TRPM2: variants seen among roughly 807,000 people sequenced by gnomAD.
The protein encoded by TRPM2 is transient receptor potential cation channel subfamily M member 2, also known as estrogen-responsive element-associated gene 1 protein.
Under a neutral mutation model 174.0 loss-of-function variants are expected in TRPM2, and 161 were observed. That is an observed-to-expected ratio of 0.93 (90% CI 0.81 to 1.05). The LOEUF is 1.05. TRPM2 is among the 50% of genes least tolerant of loss of function. The pLI, the probability that TRPM2 is intolerant of heterozygous loss-of-function variation, is 0.00. For missense variants in TRPM2, 2,057 were observed against 2,038.0 expected, an observed-to-expected ratio of 1.01 and a Z score of -0.18; for synonymous variants, 954 against 861.3, an observed-to-expected ratio of 1.11 and a Z score of -1.88.
intron 5 of TRPM2, 84 bp from the exon 6 acceptor site, chr21:44,375,749 C>G (rs2048678057): frequency 6.8e-7 from 1 of 1,463,888 alleles, no homozygotes; most frequent in South Asian, 1.3e-5. Context: ...GACCTGGTCT[C>G]TGTGAGGGCC....
At position 44,388,661 on chromosome 21, in the gene TRPM2, A is replaced by AAC. The variant is rs1480485149; in HGVS notation, c.1319-2242_1319-2241insCA. ...GAACCCTGTCACTACAAAAAAAAAA[A>AAC]AAAAAAAAAACTAGTCAGGCATGGT... On this transcript the variant is annotated intron_variant, in intron 9 of 31. Coordinates refer to ENST00000397928, the MANE Select transcript of TRPM2 (RefSeq NM_003307.4). 4.7e-5 allele frequency among the ~76,000 whole-genome samples: 7 copies of AAC among 149,974 alleles called. 1 individual carries two copies. The South Asian group carries it at 1.5e-3, about 31-fold the overall frequency.
intron 20 of TRPM2, chr21:44,414,818 G>T (rs1020775383): frequency 1.5e-4 from 23 of 152,182 alleles, no homozygotes; most frequent in African/African-American, 5.3e-4. Context: ...GGACCCTGGG[G>T]TGGAAACTCG....
chr21:44,406,917 C>A, intron 19 of TRPM2, 152 bp downstream of exon 19: 1 of 1,083,160 alleles, frequency 9.2e-7, no homozygotes, highest in Non-Finnish European at 1.3e-6. Flanking sequence ...GCATTCATTC[C>A]CCAGCTCCTG....
intron 2 of TRPM2, among the ~76,000 whole-genome samples, chr21:44,360,828 A>T (rs2048188245): frequency 6.6e-6 from 1 of 151,458 alleles, no homozygotes; most frequent in East Asian, 2.0e-4. Context: ...CGGCCTCCCA[A>T]AGTGCTGGGA....
chr21:44,406,967 G>C (rs573217121), intron 19 of TRPM2, among the ~76,000 whole-genome samples: 2 of 148,912 alleles, frequency 1.3e-5, no homozygotes, highest in African/African-American at 2.5e-5. Flanking sequence ...GGAGGGAGGA[G>C]GGGGGCCTGG....
intron 21 of TRPM2, 54 bp from the exon 22 acceptor site, chr21:44,418,369 G>T (rs2050390614): frequency 1.3e-5 from 21 of 1,597,156 alleles, no homozygotes; most frequent in Non-Finnish European, 1.7e-5. Flanking sequence ...CAGGGCTTCA[G>T]GGCCCACCTC....
chr21:44,398,020 G>T (rs1382209025), intron 13 of TRPM2, 144 bp downstream of exon 13: 3 of 1,072,564 alleles, frequency 2.8e-6, no homozygotes, highest in East Asian at 6.2e-5. Context: ...CTTACCCTGG[G>T]GTCCTCATCC....
chr21:44,350,770 C>A (rs1271084855), upstream of TRPM2, among the ~76,000 whole-genome samples: 1 of 152,044 alleles, frequency 6.6e-6, no homozygotes, highest in Non-Finnish European at 1.5e-5. Context: ...AGGCGCGGGG[C>A]GCTGACTGGG....
Position 44,378,850 on chromosome 21 carries a change from G to A in TRPM2, c.1015-147G>A, listed in dbSNP as rs564575239. ...TCCCTCTTCCCCCAGAGCAGGGGACGCCACGAAACTAATAAGTGCTTTCAG... is the reference window on the plus strand; with the variant it reads ...TCCCTCTTCCCCCAGAGCAGGGGACACCACGAAACTAATAAGTGCTTTCAG... On this transcript the variant is annotated intron_variant, in intron 7 of 31. Transcript: ENST00000397928. 1.3e-5 allele frequency: 11 copies of A among 839,234 alleles called. No individual in the cohort carries two copies. In the East Asian group the frequency reaches 1.6e-4, roughly 12 times the overall value. The allele number at this position is 839,234 out of a possible 1,614,324, so 52.0% of individuals were successfully genotyped here.
upstream of TRPM2, among the ~76,000 whole-genome samples, chr21:44,352,145 C>T (rs1002856375): frequency 1.3e-5 from 2 of 152,342 alleles, no homozygotes; most frequent in Admixed American, 6.5e-5. Flanking sequence ...CTGCTTCCCT[C>T]GGAAGCTGGT....
At chr21:44,390,771 G>A in intron 9 of TRPM2, 133 bp from the exon 10 acceptor site, 1 of 1,225,914 alleles carries the variant, frequency 8.2e-7, no homozygotes, top group South Asian at 1.4e-5. Flanking sequence ...AGGTCACTGG[G>A]TGCTGCGCCT....
rs1215206286 is a variant in TRPM2 at position 44,405,542 on chromosome 21, C to A, written c.2657+282C>A. 1.4e-4 allele frequency among the ~76,000 whole-genome samples: 22 copies of A among 152,302 alleles called. No homozygotes were observed. The East Asian group carries it at 4.0e-3, about 28-fold the overall frequency. On this transcript the variant is annotated intron_variant, in intron 17 of 31. Transcript: ENST00000397928. Reference sequence around the variant, plus strand: ...TCTGGAATTGTCCCAGCTCCACGGACACGCGGCTGCCGCTTTCTCCCTCTG... The same window carrying A: ...TCTGGAATTGTCCCAGCTCCACGGAAACGCGGCTGCCGCTTTCTCCCTCTG...
chr21:44,416,987 AGT>A (rs1389067145), intron 20 of TRPM2, among the ~76,000 whole-genome samples: 1 of 122,514 alleles, frequency 8.2e-6, no homozygotes, highest in Non-Finnish European at 1.6e-5. Flanking sequence ...GTGGCATCAC[AGT>A]GTGCACGTGG....
intron 11 of TRPM2, among the ~76,000 whole-genome samples, chr21:44,394,751 G>A (rs547568419): frequency 6.2e-4 from 94 of 152,318 alleles, no homozygotes; most frequent in Non-Finnish European, 5.0e-4. Context: ...TGTGGTTTAG[G>A]AAGAAAAACA....
At chr21:44,390,036 C>T (rs572421524) in intron 9 of TRPM2, among the ~76,000 whole-genome samples, 4 of 152,100 alleles carry the variant, frequency 2.6e-5, no homozygotes, top group African/African-American at 9.6e-5. Flanking sequence ...CCACGCCTGG[C>T]TAATTTTTTG....
chr21:44,433,878 C>G (rs1174637643), intron 27 of TRPM2, among the ~76,000 whole-genome samples: 3 of 152,166 alleles, frequency 2.0e-5, no homozygotes, highest in African/African-American at 4.8e-5. Flanking sequence ...GAGCTGGGAC[C>G]CCTGACAGCT....
chr21:44,391,244 A>G lies in TRPM2; in HGVS notation c.1441-28A>G, dbSNP rs2049163904. ...TGACATGGGGTGATGACCAAATGCA[A>G]CCGTCACTGCACAATGCTTGCTCTC... On this transcript the variant is annotated intron_variant, in intron 10 of 31. Coordinates refer to ENST00000397928, the MANE Select transcript of TRPM2 (RefSeq NM_003307.4). This position sits in a 1 kb window ranked among gnomAD's most constrained non-coding sequence, Gnocchi z 5.0. The G allele has an allele frequency of 1.3e-6, 2 of 1,592,114 alleles. No individual in the cohort carries two copies. The highest frequency in any genetic ancestry group is 8.6e-7 in the Non-Finnish European group (1 of 1,165,292).
intron 2 of TRPM2, among the ~76,000 whole-genome samples, chr21:44,362,572 A>G (rs529841230): frequency 1.3e-4 from 19 of 151,938 alleles, no homozygotes; most frequent in African/African-American, 4.3e-4. Flanking sequence ...TTTTTGCTTC[A>G]GCCATCAAAC....
chr21:44,356,421 T>C (rs532422574), intron 2 of TRPM2, among the ~76,000 whole-genome samples: 1 of 151,544 alleles, frequency 6.6e-6, no homozygotes, highest in South Asian at 2.1e-4. Context: ...CACGAGAAAG[T>C]ATTTGGAGCG....
Sources: gnomAD v4.1 joint callset for allele counts (sites outside exome capture counted in the v4.1 genomes callset) on GRCh38, gnomAD v4.1.1 for gene constraint, Gnocchi (gnomAD v3.1) non-coding constraint, MANE v1.5 for transcripts, NCBI Gene and HGNC (gene_info 2026-07-23, HGNC 2026-07-21) for gene names.